The following SCFD2 variants were observed in gnomAD, a reference collection of about 807,000 sequenced individuals.
SCFD2 encodes the protein sec1 family domain containing 2.
In SCFD2, 54 loss-of-function variants were observed where a neutral mutation model predicts 58.9. That is an observed-to-expected ratio of 0.92 (90% CI 0.74 to 1.15). The LOEUF (loss-of-function observed/expected upper bound fraction) is 1.15, where lower values mean the gene tolerates loss of function less well. Ranked by LOEUF, SCFD2 falls within the 50% of genes most tolerant of loss-of-function variation. The pLI, the probability that SCFD2 is intolerant of heterozygous loss-of-function variation, is 0.00. For synonymous variants in SCFD2, 321 were observed against 335.9 expected (o/e 0.96, Z 0.49); for missense variants, 805 against 836.6 (o/e 0.96, Z 0.47).
chr4:53,067,794 T>G (rs891081194), intron 5 of SCFD2, among the ~76,000 whole-genome samples: 1 of 152,032 alleles, frequency 6.6e-6, no homozygotes, highest in Admixed American at 6.6e-5. Context: ...AACAGACTAA[T>G]ACAGTGTTGA....
In SCFD2 at chr4:53,365,901, C is replaced by A; in HGVS notation, c.41G>T (p.Trp14Leu). The A allele has an allele frequency of 6.3e-7, 1 of 1,593,860 alleles. No homozygotes were observed. Residue 14 changes from tryptophan to leucine, a missense_variant, in exon 1 of 9, where the codon TGG (tryptophan) becomes TTG (leucine). Physicochemically the swap from Trp to Leu is moderately conservative, Grantham distance 61. Around this residue, in one of 3 missense-constraint regions of SCFD2, gnomAD observed 155 missense variants for 149.7 expected, o/e 1.04. Transcript: ENST00000401642. This position sits in a 1 kb window ranked among gnomAD's most constrained non-coding sequence, Gnocchi z 4.3. The stretch of plus-strand genomic sequence containing the variant: ...TTTCACTTTGGCCAGCACCTGCTCC[C>A]ATCCTTGCTGGGTAAAGGACAGTAC... ...SGVLSFTQQG[W>L]EQVLAKVKRA... is the part of the protein sequence containing the mutation.
At chr4:53,019,202 A>G (rs923763394) in intron 5 of SCFD2, among the ~76,000 whole-genome samples, 2 of 152,232 alleles carry the variant, frequency 1.3e-5, no homozygotes, top group African/African-American at 4.8e-5. Context: ...CAAAAGCTGG[A>G]AACAGCTGAA....
At chr4:53,236,766 C>T (rs547945838) in intron 4 of SCFD2, among the ~76,000 whole-genome samples, 1 of 150,254 alleles carries the variant, frequency 6.7e-6, no homozygotes, top group Admixed American at 6.6e-5. Context: ...GTTATTTTAA[C>T]TAGGATAATC....
At chr4:53,121,089 T>C (rs936361404) in intron 5 of SCFD2, among the ~76,000 whole-genome samples, 2 of 151,598 alleles carry the variant, frequency 1.3e-5, no homozygotes, top group Non-Finnish European at 2.9e-5. Context: ...GATCTTGAGT[T>C]CCTGTTTACA....
chr4:53,299,544 C>A (rs1577945961), intron 3 of SCFD2, among the ~76,000 whole-genome samples: 1 of 152,090 alleles, frequency 6.6e-6, no homozygotes, highest in South Asian at 2.1e-4. Flanking sequence ...TCCAGGAGAA[C>A]TTCCCCAATC....
chr4:53,055,127 C>A (rs1723286784), intron 5 of SCFD2, among the ~76,000 whole-genome samples: 2 of 152,204 alleles, frequency 1.3e-5, no homozygotes, highest in African/African-American at 4.8e-5. Flanking sequence ...TTCCTATCTA[C>A]TAGGCAATTT....
intron 1 of SCFD2, among the ~76,000 whole-genome samples, chr4:53,358,868 TA>T (rs1248749102): frequency 1.3e-5 from 2 of 152,176 alleles, no homozygotes; most frequent in African/African-American, 4.8e-5. Flanking sequence ...AAACTCTGGG[TA>T]GTCTGGACAT....
chr4:52,940,700 G>A (rs373691732), intron 5 of SCFD2, among the ~76,000 whole-genome samples: 4 of 152,126 alleles, frequency 2.6e-5, no homozygotes, highest in African/African-American at 4.8e-5. Flanking sequence ...CTGAGGGCTC[G>A]GCCAGGGAAC....
chr4:52,973,150 C>T (rs1396918965), intron 5 of SCFD2, among the ~76,000 whole-genome samples: 3 of 151,870 alleles, frequency 2.0e-5, no homozygotes, highest in Non-Finnish European at 4.4e-5. Context: ...TAGCAGAAGG[C>T]AAGAAATAAC....
intron 7 of SCFD2, among the ~76,000 whole-genome samples, chr4:52,900,437 C>T (rs1024767596): frequency 2.0e-5 from 3 of 152,294 alleles, no homozygotes; most frequent in South Asian, 2.1e-4. Flanking sequence ...GTATGAGCAG[C>T]GGTGGCTGCA....
intron 5 of SCFD2, among the ~76,000 whole-genome samples, chr4:53,029,353 G>T (rs571074292): frequency 1.7e-4 from 26 of 152,348 alleles, no homozygotes; most frequent in African/African-American, 5.5e-4. Flanking sequence ...CAAGAGGCAA[G>T]AGGGGAATGA....
chr4:52,970,239 G>A (rs375281846), intron 5 of SCFD2, among the ~76,000 whole-genome samples: 104 of 152,340 alleles, frequency 6.8e-4, no homozygotes, highest in African/African-American at 2.4e-3. Context: ...CCCGGTAAGT[G>A]CAAGGGGTCA....
At chr4:52,922,184 G>A (rs1028365352) in intron 5 of SCFD2, among the ~76,000 whole-genome samples, 5 of 152,064 alleles carry the variant, frequency 3.3e-5, no homozygotes, top group Admixed American at 3.3e-4. Flanking sequence ...TTTTAGTAAC[G>A]GCTTTGTTGA....
In SCFD2 at chr4:53,354,927, C is replaced by T. The variant is rs973170261; in HGVS notation, c.839-2161G>A. ...AGTTTCCCAGATAGTTGAAACTATT[C>T]CCAGGATTTGAGATCCTAAATTAAG... On this transcript the variant is annotated intron_variant, in intron 1 of 8. Transcript: ENST00000401642. Among the ~76,000 whole-genome samples the T allele has an allele frequency of 3.0e-4, 46 of 151,938 alleles. 1 individual carries two copies. The highest frequency in any genetic ancestry group is 3.0e-3 in the Admixed American group (46 of 15,242).
At chr4:53,256,071 C>T (rs979662522) in intron 4 of SCFD2, among the ~76,000 whole-genome samples, 5 of 150,170 alleles carry the variant, frequency 3.3e-5, no homozygotes, top group African/African-American at 1.2e-4. Flanking sequence ...GGGGCTGACC[C>T]CCACCTCCCT....
At position 53,107,175 on chromosome 4, in the gene SCFD2, C is replaced by T. The variant is rs143708472; in HGVS notation, c.1561+38158G>A. Among the ~76,000 whole-genome samples the T allele has an allele frequency of 7.9e-4, 120 of 152,264 alleles. 1 individual carries two copies. In the East Asian group the frequency reaches 0.019, roughly 24 times the overall value. ...AAAATCCTTTACAAACAAGCAAATG[C>T]TGAGAGATTTTGTCACCACCAGGCC... On this transcript the variant is annotated intron_variant, in intron 5 of 8. Transcript: ENST00000401642.
intron 4 of SCFD2, among the ~76,000 whole-genome samples, chr4:53,188,130 CA>C (rs1322101012): frequency 6.6e-6 from 1 of 152,036 alleles, no homozygotes. Context: ...GAAAAAAAGA[CA>C]AATAACTAAG....
chr4:53,243,116 A>G (rs536182645), intron 4 of SCFD2, among the ~76,000 whole-genome samples: 103 of 152,346 alleles, frequency 6.8e-4, no homozygotes, highest in Non-Finnish European at 6.0e-4. Context: ...ATTCAAATTC[A>G]GAAACTGCAG....
chr4:53,311,392 A>G (rs1560441642), intron 3 of SCFD2, among the ~76,000 whole-genome samples: 3 of 152,158 alleles, frequency 2.0e-5, no homozygotes, highest in African/African-American at 7.2e-5. Context: ...TGATTGACAG[A>G]AAACTCAAAC....
Sources: gnomAD v4.1 joint callset for allele counts (sites outside exome capture counted in the v4.1 genomes callset) on GRCh38, gnomAD v4.1.1 for gene constraint, gnomAD v4.1.1 regional missense constraint, Gnocchi (gnomAD v3.1) non-coding constraint, MANE v1.5 for transcripts, NCBI Gene and HGNC (gene_info 2026-07-23, HGNC 2026-07-21) for gene names.